UBE3D: variants seen among roughly 807,000 people sequenced by gnomAD.
The protein encoded by UBE3D is ubiquitin protein ligase E3D.
UBE3D carries 48 observed loss-of-function variants against 49.6 expected under a neutral mutation model. The ratio of observed to expected loss-of-function variants is 0.97; its 90% CI spans 0.77 to 1.23. The LOEUF is 1.23. UBE3D is among the 50% of genes most tolerant of loss of function. The pLI is 0.00. For missense variants in UBE3D, 452 were observed against 468.4 expected (o/e 0.96, Z 0.32); for synonymous variants, 189 against 174.2 (o/e 1.08, Z -0.67).
intron 9 of UBE3D, among the ~76,000 whole-genome samples, chr6:82,948,728 G>T (rs1308808404): frequency 2.6e-5 from 4 of 151,964 alleles, no homozygotes; most frequent in Admixed American, 6.6e-5. Context: ...ATCACTCAGT[G>T]TGAGATATCA....
chr6:83,009,284 C>T (rs2127756640), intron 8 of UBE3D, among the ~76,000 whole-genome samples: 1 of 152,094 alleles, frequency 6.6e-6, no homozygotes, highest in South Asian at 2.1e-4. Flanking sequence ...TAACAAGAAC[C>T]TACAGTTACC....
intron 8 of UBE3D, among the ~76,000 whole-genome samples, chr6:82,996,022 G>A (rs1166314505): frequency 6.6e-6 from 1 of 152,108 alleles, no homozygotes; most frequent in Non-Finnish European, 1.5e-5. Flanking sequence ...CTGAGATCAT[G>A]CCACCGCACT....
At chr6:83,059,502 C>T (rs1272604547) in intron 1 of UBE3D, among the ~76,000 whole-genome samples, 1 of 152,232 alleles carries the variant, frequency 6.6e-6, no homozygotes, top group Admixed American at 6.5e-5. Context: ...CTAAAGATAA[C>T]ACAATGTCCA....
chr6:83,054,033 G>C, intron 3 of UBE3D, 115 bp downstream of exon 3: 1 of 803,826 alleles, frequency 1.2e-6, no homozygotes, highest in Non-Finnish European at 2.0e-6. Context: ...CATTAAGCTG[G>C]CTCTCACTTT....
chr6:82,886,197 G>A, the UBE3D span, among the ~76,000 whole-genome samples: 263 of 152,296 alleles, frequency 1.7e-3, 1 homozygote, highest in African/African-American at 6.1e-3. Context: ...GTAAGGCAGC[G>A]GTCCTCAACC....
intron 8 of UBE3D, among the ~76,000 whole-genome samples, chr6:83,004,337 C>T (rs1391996190): frequency 1.3e-5 from 2 of 152,148 alleles, no homozygotes; most frequent in South Asian, 2.1e-4. Flanking sequence ...CTACACGATA[C>T]AATGAAAAGC....
In UBE3D at chr6:83,026,565, T is replaced by C. The variant is rs1219394606; in HGVS notation, c.668-2527A>G. Among the ~76,000 whole-genome samples, 7 of 152,294 alleles carry C rather than the reference T, an allele frequency of 4.6e-5. No individual in the cohort carries two copies. The East Asian group carries it at 1.3e-3, about 29-fold the overall frequency. On this transcript the variant is annotated intron_variant, in intron 5 of 9. Transcript: ENST00000369747. Reference sequence around the variant, plus strand: ...AAAAAAAATAAATGGTTTCATAGATTAATATATAGACAGCCATGACAGATT... The same window carrying C: ...AAAAAAAATAAATGGTTTCATAGATCAATATATAGACAGCCATGACAGATT...
chr6:83,022,705 A>T, intron 6 of UBE3D, 144 bp from the exon 7 acceptor site: 1 of 507,476 alleles, frequency 2.0e-6, no homozygotes, highest in Non-Finnish European at 3.5e-6. Context: ...TTCCCTCAGA[A>T]TCTGCACTGA....
intron 8 of UBE3D, among the ~76,000 whole-genome samples, chr6:82,970,930 G>A (rs1313460401): frequency 6.6e-6 from 1 of 152,074 alleles, no homozygotes; most frequent in African/African-American, 2.4e-5. Context: ...AGAGGATTTT[G>A]CATATAATTT....
chr6:83,024,104 A>G, intron 5 of UBE3D, 66 bp from the exon 6 acceptor site: 2 of 812,860 alleles, frequency 2.5e-6, no homozygotes, highest in Non-Finnish European at 3.8e-6. Flanking sequence ...GGGCAAGTTG[A>G]CTCCAAATTA....
chr6:82,894,192 A>AC (rs955016641), intron 9 of UBE3D, among the ~76,000 whole-genome samples: 5 of 150,654 alleles, frequency 3.3e-5, no homozygotes, highest in African/African-American at 4.9e-5. Flanking sequence ...CCTCGCCCCC[A>AC]CCCCCCCAAC....
chr6:82,942,569 C>T (rs141979063), intron 9 of UBE3D, among the ~76,000 whole-genome samples: 1 of 152,230 alleles, frequency 6.6e-6, no homozygotes, highest in Admixed American at 6.5e-5. Flanking sequence ...GCCTGCATCC[C>T]AGCCACTGCC....
chr6:83,043,473 A>C (rs956883177), intron 4 of UBE3D, among the ~76,000 whole-genome samples: 2 of 152,198 alleles, frequency 1.3e-5, no homozygotes, highest in African/African-American at 4.8e-5. Context: ...ATTTCTGTTT[A>C]CAGTGTAAAA....
At chr6:82,981,795 T>G (rs911914601) in intron 8 of UBE3D, among the ~76,000 whole-genome samples, 38 of 152,224 alleles carry the variant, frequency 2.5e-4, no homozygotes, top group Admixed American at 2.3e-3. Flanking sequence ...AATCTGTTGC[T>G]AAAGCATGGT....
intron 8 of UBE3D, among the ~76,000 whole-genome samples, chr6:82,963,036 T>G (rs1254087940): frequency 1.3e-5 from 2 of 152,178 alleles, no homozygotes; most frequent in African/African-American, 4.8e-5. Context: ...TTATAAACTT[T>G]CTCTGTAATT....
chr6:82,947,289 C>T (rs1775475985), intron 9 of UBE3D, among the ~76,000 whole-genome samples: 1 of 151,466 alleles, frequency 6.6e-6, no homozygotes, highest in Non-Finnish European at 1.5e-5. Context: ...ACTGGAGCAC[C>T]CAGATATGTA....
chr6:82,972,986 A>G (rs1582511876), intron 8 of UBE3D, among the ~76,000 whole-genome samples: 1 of 152,190 alleles, frequency 6.6e-6, no homozygotes, highest in Non-Finnish European at 1.5e-5. Flanking sequence ...AAAAAGCTAT[A>G]TAAATGAGAA....
At chr6:83,029,228 G>A (rs772189147) in intron 5 of UBE3D, among the ~76,000 whole-genome samples, 17 of 151,924 alleles carry the variant, frequency 1.1e-4, no homozygotes, top group Non-Finnish European at 1.6e-4. Context: ...TTCATTATTT[G>A]AGACCCTATT....
At position 83,057,910 on chromosome 6, in the gene UBE3D, C is replaced by T; in HGVS notation, c.190G>A (p.Val64Ile). The part of the protein sequence containing the change: ...EIQLPAEVRL[V>I]PSSCRGLQFV... ...TGTAGCCCACGGCAAGAGGAAGGTA[C>T]AAGCCTGACCTCTGCTGGAAGCTGG... The change falls in exon 2 of 10, where the codon GTA becomes ATA. Residue 64 changes from valine to isoleucine, a missense_variant. Physicochemically the swap from Val to Ile is conservative, Grantham distance 29 (BLOSUM62 3). Transcript: ENST00000369747. 3 of 1,614,194 alleles carry T rather than the reference C, an allele frequency of 1.9e-6. No homozygotes were observed. The highest frequency in any genetic ancestry group is 2.5e-6 in the Non-Finnish European group (3 of 1,180,038).
Sources: allele counts gnomAD v4.1 joint callset (sites outside exome capture counted in the v4.1 genomes callset), GRCh38; gene constraint gnomAD v4.1.1; transcripts MANE v1.5; gene names NCBI Gene and HGNC (gene_info 2026-07-23, HGNC 2026-07-21).